The following PAN3 variants were observed in gnomAD, a reference collection of about 807,000 sequenced individuals.
PAN3 encodes PAN2-PAN3 deadenylation complex subunit PAN3.
In PAN3, 19 loss-of-function variants were observed where a neutral mutation model predicts 96.2. That is an observed-to-expected ratio of 0.20 (90% CI 0.14 to 0.29). The LOEUF (loss-of-function observed/expected upper bound fraction) is 0.29, where lower values mean the gene tolerates loss of function less well. Among genes scored for constraint, PAN3 ranks in the 10% least tolerant of loss-of-function variants. The pLI, the probability that PAN3 is intolerant of heterozygous loss-of-function variation, is 1.00. For synonymous variants in PAN3, 433 were observed against 406.6 expected (o/e 1.06, Z -0.78); for missense variants, 882 against 1,108.1 (o/e 0.80, Z 2.90).
chr13:28,182,546 TAAC>T (rs753257380), intron 4 of PAN3, among the ~76,000 whole-genome samples: 7 of 152,222 alleles, frequency 4.6e-5, no homozygotes, highest in Admixed American at 2.0e-4. Context: ...TAAGTTTTAA[TAAC>T]AAGTTAAATT....
chr13:28,254,756 A>C (rs4343125), intron 6 of PAN3, among the ~76,000 whole-genome samples: 1 of 152,092 alleles, frequency 6.6e-6, no homozygotes, highest in Non-Finnish European at 1.5e-5. Flanking sequence ...TACACATTTA[A>C]GACATAACTC....
chr13:28,250,314 G>T (rs9319422), intron 6 of PAN3, among the ~76,000 whole-genome samples: 91,973 of 151,694 alleles, frequency 0.61, 29,504 homozygotes, highest in Admixed American at 0.73. Flanking sequence ...TTCCACCTCA[G>T]CCTCTTGAGT....
chr13:28,284,152 C>T (rs1357302057), intron 17 of PAN3, among the ~76,000 whole-genome samples: 1 of 152,128 alleles, frequency 6.6e-6, no homozygotes, highest in Non-Finnish European at 1.5e-5. Flanking sequence ...CACCAAAATA[C>T]TTTTTTCAAA....
chr13:28,281,784 T>C (rs1887491243), intron 17 of PAN3, among the ~76,000 whole-genome samples: 2 of 151,382 alleles, frequency 1.3e-5, no homozygotes, highest in African/African-American at 2.4e-5. Context: ...TTTTTTTTTT[T>C]TTCTTGAGAC....
chr13:28,220,417 A>G (rs1290624045), intron 6 of PAN3, 39 bp downstream of exon 6: 2 of 1,595,780 alleles, frequency 1.3e-6, no homozygotes, highest in Admixed American at 1.7e-5. Flanking sequence ...TCCAGATACC[A>G]TGTCTGTAAG....
At chr13:28,166,374 G>GT (rs755837533) in intron 1 of PAN3, among the ~76,000 whole-genome samples, 1 of 152,236 alleles carries the variant, frequency 6.6e-6, no homozygotes, top group Non-Finnish European at 1.5e-5. Flanking sequence ...GAATAATCTT[G>GT]TTTAACTCCT....
At chr13:28,196,973 TTTAGCCCA>T (rs1878131543) in intron 4 of PAN3, among the ~76,000 whole-genome samples, 1 of 152,224 alleles carries the variant, frequency 6.6e-6, no homozygotes, top group Admixed American at 6.5e-5. Context: ...TATAATATTC[TTTAGCCCA>T]TTAGGAGTGT....
At chr13:28,198,140 G>T (rs539545467) in intron 5 of PAN3, among the ~76,000 whole-genome samples, 55 of 152,080 alleles carry the variant, frequency 3.6e-4, no homozygotes, top group Middle Eastern at 6.8e-3. Context: ...AAAAATTTTA[G>T]CCAGGTGTGG....
At chr13:28,275,702 C>G (rs370508847) in intron 14 of PAN3, among the ~76,000 whole-genome samples, 24 of 152,246 alleles carry the variant, frequency 1.6e-4, no homozygotes, top group African/African-American at 5.5e-4. Flanking sequence ...ACAGTGTCCT[C>G]CAGCAAACAG....
intron 7 of PAN3, 66 bp downstream of exon 7, chr13:28,256,605 G>C (rs548957847): frequency 1.4e-6 from 2 of 1,476,696 alleles, no homozygotes; most frequent in African/African-American, 2.8e-5. Context: ...GTTGTGAGGC[G>C]GTCTACCCCC....
intron 4 of PAN3, among the ~76,000 whole-genome samples, chr13:28,185,128 G>A (rs756073707): frequency 6.6e-6 from 1 of 152,096 alleles, no homozygotes; most frequent in Non-Finnish European, 1.5e-5. Flanking sequence ...TTTTTATTGT[G>A]AATGATCTCT....
intron 1 of PAN3, among the ~76,000 whole-genome samples, chr13:28,171,782 A>G (rs1874340074): frequency 6.6e-6 from 1 of 152,302 alleles, no homozygotes; most frequent in African/African-American, 2.4e-5. Flanking sequence ...GGCAAGGGAA[A>G]TTATTAACTC....
At chr13:28,176,597 A>G in intron 3 of PAN3, 38 bp downstream of exon 3, 3 of 1,573,602 alleles carry the variant, frequency 1.9e-6, no homozygotes, top group Non-Finnish European at 2.6e-6. Flanking sequence ...GTGTCTGTGT[A>G]TATATTTCTT....
intron 6 of PAN3, among the ~76,000 whole-genome samples, chr13:28,249,305 T>C (rs1884492013): frequency 6.6e-6 from 1 of 152,214 alleles, no homozygotes; most frequent in Non-Finnish European, 1.5e-5. Flanking sequence ...TTGAAGTAAT[T>C]TTTGTATATG....
At chr13:28,238,868 T>C (rs1389970893) in intron 6 of PAN3, among the ~76,000 whole-genome samples, 2 of 152,126 alleles carry the variant, frequency 1.3e-5, no homozygotes, top group African/African-American at 4.8e-5. Context: ...TCCCTTGTTT[T>C]GTTATGGCAT....
intron 7 of PAN3, among the ~76,000 whole-genome samples, chr13:28,256,813 T>C (rs1291695953): frequency 6.6e-6 from 1 of 152,232 alleles, no homozygotes; most frequent in Non-Finnish European, 1.5e-5. Context: ...GTTTTGCTTA[T>C]GGGTTTACCT....
rs1303721515 is a variant in PAN3, at chr13:28,178,781, T to G, written c.690+846T>G. On this transcript the variant is annotated intron_variant, in intron 4 of 18. Transcript: ENST00000380958. ...AATTTTAGAATAACTGATATGAACT[T>G]AAGATACTTTTAAGAAGGATCTGAT... Among the ~76,000 whole-genome samples, 4 of 152,168 alleles carry G rather than the reference T, an allele frequency of 2.6e-5. No homozygotes were observed. In the South Asian group the frequency reaches 8.3e-4, roughly 31 times the overall value.
chr13:28,206,822 A>T (rs1879431459), intron 5 of PAN3, among the ~76,000 whole-genome samples: 3 of 143,490 alleles, frequency 2.1e-5, no homozygotes, highest in South Asian at 2.2e-4. Flanking sequence ...TTTTTCTTTC[A>T]CTCTTTCTTC....
chr13:28,202,814 A>G (rs1219966955), intron 5 of PAN3, among the ~76,000 whole-genome samples: 2 of 152,080 alleles, frequency 1.3e-5, no homozygotes, highest in South Asian at 2.1e-4. Flanking sequence ...GCATGTGTTT[A>G]TTTCTGTATC....
Sources: gnomAD v4.1 joint callset for allele counts (sites outside exome capture counted in the v4.1 genomes callset) on GRCh38, gnomAD v4.1.1 for gene constraint, MANE v1.5 for transcripts, NCBI Gene and HGNC (gene_info 2026-07-23, HGNC 2026-07-21) for gene names.